The following SGCG variants were observed in gnomAD, a reference collection of about 807,000 sequenced individuals.
SGCG encodes the protein sarcoglycan gamma.
A neutral mutation model predicts 29.3 loss-of-function variants in SGCG; 26 were observed. The ratio of observed to expected loss-of-function variants is 0.89; its 90% confidence interval spans 0.65 to 1.23. The LOEUF is 1.23. Among genes scored for constraint, SGCG ranks in the 50% most tolerant of loss-of-function variants. The pLI, the probability that SGCG is intolerant of heterozygous loss-of-function variation, is 0.00. For synonymous variants in SGCG, 145 were observed against 129.7 expected, an observed-to-expected ratio of 1.12 and a Z score of -0.80; for missense variants, 353 against 356.0, an observed-to-expected ratio of 0.99 and a Z score of 0.07.
chr13:23,320,664 C>A lies in SGCG; in HGVS notation c.606C>A (p.Ser202Arg). The A allele has an allele frequency of 1.9e-6, 3 of 1,585,358 alleles. No homozygotes were observed. The highest frequency in any genetic ancestry group is 2.3e-5 in the East Asian group (1 of 43,888). ...LRLESPTRSL[S>R]MDAPRGVHIQ... ...TAGAATCCCCCACTCGGAGTCTAAG[C>A]ATGGATGCCCCAAGGGGTGTGCATA... is the stretch of plus-strand genomic sequence containing the variant. Residue 202 changes from serine (S) to arginine (R), a missense_variant, in exon 7 of 8, where the codon AGC (serine) becomes AGA (arginine). By Grantham distance (110) the Ser-to-Arg change is moderately radical. Transcript: ENST00000218867.
At chr13:23,234,826 T>C (rs1324770550) in intron 3 of SGCG, 114 bp downstream of exon 3, 1 of 737,910 alleles carries the variant, frequency 1.4e-6, no homozygotes, top group East Asian at 2.5e-5. Context: ...TGTGCACATA[T>C]TCATGATATG....
chr13:23,237,286 G>C (rs1879349828), intron 3 of SGCG, among the ~76,000 whole-genome samples: 1 of 152,076 alleles, frequency 6.6e-6, no homozygotes, highest in African/African-American at 2.4e-5. Flanking sequence ...TAAACAAAAA[G>C]GGTTTTAAAA....
chr13:23,277,400 A>G (rs1159242936), intron 4 of SGCG, among the ~76,000 whole-genome samples: 1 of 142,276 alleles, frequency 7.0e-6, no homozygotes, highest in African/African-American at 2.5e-5. Context: ...ACCAAAAAAT[A>G]AAGTGAAGCT....
chr13:23,297,784 G>A (rs2137648737), intron 6 of SGCG, among the ~76,000 whole-genome samples: 1 of 151,904 alleles, frequency 6.6e-6, no homozygotes, highest in Admixed American at 6.6e-5. Context: ...CAACATTGTT[G>A]CCTAGGCTGG....
chr13:23,297,233 T>TATTTA (rs34070638), intron 6 of SGCG, among the ~76,000 whole-genome samples: 3 of 151,242 alleles, frequency 2.0e-5, no homozygotes, highest in African/African-American at 2.4e-5. Flanking sequence ...ATCTTTTATT[T>TATTTA]TTTTTTTTTT....
rs572212024 is a variant in SGCG, at chr13:23,302,364, T to G, written c.578+6877T>G. Among the ~76,000 whole-genome samples, 4 of 152,130 alleles carry G rather than the reference T, an allele frequency of 2.6e-5. No individual in the cohort carries two copies. The South Asian group carries it at 6.2e-4, about 24-fold the overall frequency. On this transcript the variant is annotated intron_variant, in intron 6 of 7. Transcript: ENST00000218867. ...AGGAGAAAACAATTGATCAAAACAG[T>G]ATAGCTGTAGTCACCCTACAGTGCT...
At chr13:23,165,320 C>T in the SGCG span, among the ~76,000 whole-genome samples, 2 of 152,012 alleles carry the variant, frequency 1.3e-5, no homozygotes, top group South Asian at 4.1e-4. Flanking sequence ...ATGAATATTG[C>T]AGCATTATTC....
chr13:23,240,952 G>C (rs1258686888), intron 3 of SGCG, among the ~76,000 whole-genome samples: 2 of 151,990 alleles, frequency 1.3e-5, no homozygotes, highest in African/African-American at 2.4e-5. Flanking sequence ...AGGAGATCGA[G>C]ACCATCCTAA....
At chr13:23,244,829 G>A (rs1195761887) in intron 3 of SGCG, 1 of 152,072 alleles carries the variant, frequency 6.6e-6, no homozygotes, top group Non-Finnish European at 1.5e-5. Flanking sequence ...ATAAAGAGTT[G>A]AAAAAAGGAG....
At chr13:23,202,506 T>C (rs2137499267) in intron 1 of SGCG, among the ~76,000 whole-genome samples, 2 of 152,232 alleles carry the variant, frequency 1.3e-5, no homozygotes, top group Middle Eastern at 6.8e-3. Flanking sequence ...ATACATCTGG[T>C]AGTTTGGTTC....
rs367599893 is a variant in SGCG at position 23,217,621 on chromosome 13, A to G, written c.195+13732A>G. The G allele has an allele frequency of 9.9e-5, 15 of 151,588 alleles. No individual in the cohort carries two copies. The East Asian group carries it at 2.7e-3, about 27-fold the overall frequency. The allele number at this position is 151,588 out of a possible 1,614,324, so 9.4% of individuals were successfully genotyped here. ...TGTCCTATGGTAGCTGCTCTCCTGC[A>G]TCTTTTAATCAGCTCTACTTTACAA... On this transcript the variant is annotated intron_variant, in intron 2 of 7. Transcript: ENST00000218867.
chr13:23,187,849 AGCACTCG>A (rs1431492270), intron 1 of SGCG, among the ~76,000 whole-genome samples: 1 of 152,224 alleles, frequency 6.6e-6, no homozygotes, highest in Non-Finnish European at 1.5e-5. Flanking sequence ...AACACCCAGT[AGCACTCG>A]GAGAAGTGTT....
chr13:23,265,003 T>C (rs1437552070), intron 4 of SGCG, among the ~76,000 whole-genome samples: 1 of 152,024 alleles, frequency 6.6e-6, no homozygotes, highest in Non-Finnish European at 1.5e-5. Flanking sequence ...AGAAAACTCT[T>C]CTGGACAATG....
intron 5 of SGCG, among the ~76,000 whole-genome samples, chr13:23,292,119 C>CTTTTTTTTTTTTTTTTTTTTTTTT (rs71100167): frequency 2.0e-5 from 3 of 147,464 alleles, no homozygotes; most frequent in African/African-American, 5.1e-5. Context: ...ACATTTCTTT[C>CTTTTTTTTTTTTTTTTTTTTTTTT]TTTTTTTTGA....
Position 23,317,892 on chromosome 13 carries a change from T to TG in SGCG, c.579-2744dup, listed in dbSNP as rs1204541042. Among the ~76,000 whole-genome samples, 10 of 152,248 alleles carry TG rather than the reference T, an allele frequency of 6.6e-5. 1 individual carries two copies. Among genetic ancestry groups the TG allele is most frequent in the Non-Finnish European group, 1.3e-4 (9 of 68,014 alleles). On this transcript the variant is annotated intron_variant, in intron 6 of 7. Coordinates refer to ENST00000218867, the MANE Select transcript of SGCG (RefSeq NM_000231.3). ...GTCCTGGGTGTGTCTGTGAGGGTGT[T>TG]GCCAAAGGAGATTATCATTGGAGTT...
chr13:23,255,766 G>A (rs1192059964), intron 4 of SGCG, among the ~76,000 whole-genome samples: 2 of 152,150 alleles, frequency 1.3e-5, no homozygotes, highest in Non-Finnish European at 2.9e-5. Flanking sequence ...GGCATTATTA[G>A]CATGCCTTTC....
intron 1 of SGCG, among the ~76,000 whole-genome samples, chr13:23,183,956 A>G (rs566248667): frequency 3.3e-5 from 5 of 152,272 alleles, no homozygotes; most frequent in East Asian, 3.9e-4. Flanking sequence ...ATGAGCCACC[A>G]TGCCCAGCCT....
chr13:23,271,811 T>C (rs986147229), intron 4 of SGCG, among the ~76,000 whole-genome samples: 2 of 152,266 alleles, frequency 1.3e-5, no homozygotes, highest in African/African-American at 4.8e-5. Context: ...GAATGCGGAA[T>C]GTCTTTTCAT....
At chr13:23,277,181 G>C (rs1034598871) in intron 4 of SGCG, among the ~76,000 whole-genome samples, 1 of 152,106 alleles carries the variant, frequency 6.6e-6, no homozygotes, top group African/African-American at 2.4e-5. Flanking sequence ...AGGCCTCCTA[G>C]AATTGTAAGA....
Sources: allele counts gnomAD v4.1 joint callset (sites outside exome capture counted in the v4.1 genomes callset), GRCh38; gene constraint gnomAD v4.1.1; transcripts MANE v1.5; gene names NCBI Gene and HGNC (gene_info 2026-07-23, HGNC 2026-07-21).